Variants in CDIN1 observed in about 807,000 individuals in gnomAD.
CDIN1 encodes the protein CDAN1-interacting nuclease 1.
A neutral mutation model predicts 45.3 loss-of-function variants in CDIN1; 33 were observed. That is an observed-to-expected ratio of 0.73 (90% CI 0.55 to 0.97). The LOEUF (loss-of-function observed/expected upper bound fraction) is 0.97. CDIN1 is among the 50% of genes least tolerant of loss of function. The pLI is 0.00. For missense variants in CDIN1, 303 were observed against 339.4 expected, an observed-to-expected ratio of 0.89 and a Z score of 0.84; for synonymous variants, 118 against 124.4, an observed-to-expected ratio of 0.95 and a Z score of 0.34.
At chr15:36,584,888 A>C (rs537658302) in intron 1 of CDIN1, among the ~76,000 whole-genome samples, 1 of 152,246 alleles carries the variant, frequency 6.6e-6, no homozygotes, top group Non-Finnish European at 1.5e-5. Flanking sequence ...TCAACTTTAT[A>C]ACAAAATAAT....
intron 10 of CDIN1, among the ~76,000 whole-genome samples, chr15:36,803,612 C>CA (rs917752033): frequency 8.5e-5 from 13 of 152,106 alleles, no homozygotes; most frequent in African/African-American, 3.1e-4. Context: ...TTCAGTTATA[C>CA]AAAAAATTTT....
At chr15:36,669,356 A>G (rs2041364310) in intron 5 of CDIN1, among the ~76,000 whole-genome samples, 1 of 152,122 alleles carries the variant, frequency 6.6e-6, no homozygotes, top group Non-Finnish European at 1.5e-5. Flanking sequence ...GTGGTAATGA[A>G]AGGGTTAAGT....
At chr15:36,709,754 G>A (rs2042989683) in intron 9 of CDIN1, 102 bp from the exon 10 acceptor site, 3 of 822,420 alleles carry the variant, frequency 3.6e-6, no homozygotes, top group Non-Finnish European at 4.2e-6. Context: ...TAAGGGCTAA[G>A]CCTGTGCTCA....
intron 10 of CDIN1, 97 bp from the exon 11 acceptor site, chr15:36,808,227 T>C: frequency 6.5e-7 from 1 of 1,535,416 alleles, no homozygotes; most frequent in Non-Finnish European, 8.8e-7. Context: ...TTTTGTGCAG[T>C]CCTGTCATTT....
chr15:36,772,191 A>G (rs911574024), intron 10 of CDIN1, among the ~76,000 whole-genome samples: 1 of 152,174 alleles, frequency 6.6e-6, no homozygotes. Flanking sequence ...AAAGCTATGA[A>G]AACTGTATTT....
intron 5 of CDIN1, chr15:36,658,353 C>T (rs2040861059): frequency 6.6e-6 from 1 of 152,362 alleles, no homozygotes; most frequent in African/African-American, 2.4e-5. Flanking sequence ...AAGAATAGAG[C>T]TACAGAAGGA....
At chr15:36,623,531 A>G (rs995892101) in intron 1 of CDIN1, among the ~76,000 whole-genome samples, 3 of 152,212 alleles carry the variant, frequency 2.0e-5, no homozygotes, top group African/African-American at 7.2e-5. Context: ...TGCAGGCTCC[A>G]TTCTTTTGGC....
At chr15:36,646,607 G>T (rs1399611599) in intron 3 of CDIN1, among the ~76,000 whole-genome samples, 2 of 152,202 alleles carry the variant, frequency 1.3e-5, no homozygotes, top group Admixed American at 6.5e-5. Context: ...GTGCTGTGAA[G>T]CCTGCAACCG....
intron 1 of CDIN1, among the ~76,000 whole-genome samples, chr15:36,610,012 C>G (rs2038572713): frequency 6.6e-6 from 1 of 152,198 alleles, no homozygotes; most frequent in South Asian, 2.1e-4. Flanking sequence ...TCTGACATAT[C>G]AAAGTAGGGC....
rs904506705 is a variant in CDIN1, at chr15:36,809,381, C to T, written c.*928C>T. 1 of 152,648 alleles carries T rather than the reference C, an allele frequency of 6.6e-6. No individual in the cohort carries two copies. The highest frequency in any genetic ancestry group is 2.4e-5 in the African/African-American group (1 of 41,412). The allele number at this position is 152,648 out of a possible 1,614,324, so 9.5% of individuals were successfully genotyped here. On this transcript the variant is annotated 3_prime_UTR_variant, in exon 11 of 11. Transcript: ENST00000566621. ...TTATACCATGTAATTATAAAACACT[C>T]GAGTAAGTTCAGCATTAGAAATGTT...
At chr15:36,587,811 G>A (rs921134929) in intron 1 of CDIN1, among the ~76,000 whole-genome samples, 38 of 152,082 alleles carry the variant, frequency 2.5e-4, no homozygotes, top group African/African-American at 7.7e-4. Context: ...GGTGAAGTCC[G>A]ACGGCTAGGA....
intron 5 of CDIN1, among the ~76,000 whole-genome samples, chr15:36,686,717 A>T (rs1448555971): frequency 2.7e-5 from 4 of 150,654 alleles, no homozygotes; most frequent in African/African-American, 9.8e-5. Context: ...CGTCTCTACT[A>T]AAAAAAATAC....
At chr15:36,736,585 C>A (rs1356801953) in intron 10 of CDIN1, among the ~76,000 whole-genome samples, 2 of 152,182 alleles carry the variant, frequency 1.3e-5, no homozygotes, top group Non-Finnish European at 2.9e-5. Context: ...GAACCTTAAG[C>A]CTACTCACTT....
chr15:36,623,825 C>T (rs1254066911), intron 1 of CDIN1, among the ~76,000 whole-genome samples: 1 of 152,138 alleles, frequency 6.6e-6, no homozygotes, highest in Non-Finnish European at 1.5e-5. Flanking sequence ...CATACTGGTT[C>T]TTGAAAGTAA....
At chr15:36,640,800 C>A (rs1385041300) in intron 1 of CDIN1, 5 of 289,376 alleles carry the variant, frequency 1.7e-5, no homozygotes, top group Non-Finnish European at 2.6e-5. Flanking sequence ...TTTCATGTTA[C>A]CGAGTATCTT....
intron 10 of CDIN1, among the ~76,000 whole-genome samples, chr15:36,761,898 A>G (rs1640795976): frequency 6.6e-6 from 1 of 152,234 alleles, no homozygotes; most frequent in Non-Finnish European, 1.5e-5. Context: ...CACCAATTGC[A>G]AATGACTAAC....
chr15:36,788,724 CA>C (rs2054570840), intron 10 of CDIN1, among the ~76,000 whole-genome samples: 1 of 152,080 alleles, frequency 6.6e-6, no homozygotes, highest in Admixed American at 6.5e-5. Context: ...GAATAATTAT[CA>C]TTTTTTTTAT....
intron 10 of CDIN1, among the ~76,000 whole-genome samples, chr15:36,719,099 G>A (rs115948768): frequency 2.6e-5 from 4 of 151,948 alleles, no homozygotes; most frequent in African/African-American, 9.6e-5. Flanking sequence ...GCACACACTT[G>A]TAGTCCTAGC....
chr15:36,643,389 C>A (rs2040187639), intron 1 of CDIN1, among the ~76,000 whole-genome samples: 1 of 152,080 alleles, frequency 6.6e-6, no homozygotes, highest in African/African-American at 2.4e-5. Context: ...AATGTATTCA[C>A]AGTATTTTGG....
Sources: gnomAD v4.1 joint callset for allele counts (sites outside exome capture counted in the v4.1 genomes callset) on GRCh38, gnomAD v4.1.1 for gene constraint, MANE v1.5 for transcripts, NCBI Gene and HGNC (gene_info 2026-07-23, HGNC 2026-07-21) for gene names.